Variants in CD163 observed in about 807,000 individuals in gnomAD.
CD163 encodes CD163 molecule.
Under a neutral mutation model 129.2 loss-of-function variants are expected in CD163, and 64 were observed. That is an observed-to-expected ratio of 0.50 (90% CI 0.41 to 0.61). The LOEUF (loss-of-function observed/expected upper bound fraction) is 0.61, where lower values mean the gene tolerates loss of function less well. Among genes scored for constraint, CD163 ranks in the 20% least tolerant of loss-of-function variants. CD163 has a pLI of 0.00. For synonymous variants in CD163, 446 were observed against 478.5 expected (o/e 0.93, Z 0.89); for missense variants, 1,061 against 1,377.9 (o/e 0.77, Z 3.64).
In CD163 at chr12:7,496,899, T is replaced by C. The variant is rs750732588; in HGVS notation, c.1013A>G (p.His338Arg). ...IWLDSVSCQG[H>R]EPAIWQCKHH... is the part of the protein sequence containing the mutation. The stretch of plus-strand genomic sequence containing the variant: ...TTTACATTGCCAGATAGCAGGTTCA[T>C]GTCCCTGGCAAGAAACGCTGTCAAG... Residue 338 changes from histidine to arginine, a missense_variant, in exon 5 of 17, where the codon CAT becomes CGT. Transcript: ENST00000432237. This position sits in a 1 kb window ranked among gnomAD's most constrained non-coding sequence, Gnocchi z 4.8. 2.5e-6 allele frequency: 4 copies of C among 1,614,036 alleles called. No homozygotes were observed. The highest frequency in any genetic ancestry group is 1.3e-5 in the African/African-American group (1 of 75,072).
chr12:7,474,763 C>CTTGA (rs1949060849), intron 16 of CD163, among the ~76,000 whole-genome samples: 3 of 151,980 alleles, frequency 2.0e-5, no homozygotes, highest in Non-Finnish European at 4.4e-5. Flanking sequence ...ATGAAAAACC[C>CTTGA]TTCAAAAATC....
At position 7,481,318 on chromosome 12, in the gene CD163, G is replaced by A. The variant is rs878868266; in HGVS notation, c.3248-62C>T. On this transcript the variant is annotated intron_variant, in intron 14 of 16. Transcript: ENST00000432237. ...CATAATAAAATTTCCCTTGCTGTAAGTGTGTTTTTTCCAAGCGCTGCAAAC... is the reference window on the plus strand; with the variant it reads ...CATAATAAAATTTCCCTTGCTGTAAATGTGTTTTTTCCAAGCGCTGCAAAC... 6 of 1,330,664 alleles carry A rather than the reference G, an allele frequency of 4.5e-6. No homozygotes were observed. The South Asian group carries it at 5.9e-5, about 13-fold the overall frequency. 82.4% of individuals were successfully genotyped at this position (1,330,664 alleles called of 1,614,324 possible).
intron 2 of CD163, among the ~76,000 whole-genome samples, chr12:7,501,809 T>C (rs1006286575): frequency 1.3e-5 from 2 of 152,222 alleles, no homozygotes; most frequent in Non-Finnish European, 2.9e-5. Context: ...ATGAACTTTT[T>C]ACATTTCTCC....
intron 14 of CD163, 35 bp from the exon 15 acceptor site, chr12:7,481,291 A>G (rs1477807549): frequency 6.5e-7 from 1 of 1,531,488 alleles, no homozygotes. Flanking sequence ...GGGATCAGCT[A>G]TCATAATAAA....
At position 7,500,597 on chromosome 12, in the gene CD163, A is replaced by T. The variant is rs181955898; in HGVS notation, c.457+542T>A. On this transcript the variant is annotated intron_variant, in intron 3 of 16. Coordinates refer to ENST00000432237, the MANE Select transcript of CD163 (RefSeq NM_203416.4). Reference sequence around the variant, plus strand: ...AACATATGGAGATGTTTTGTAAATTAAAAGCACAATGTAAATGAAATGACT... The same window carrying T: ...AACATATGGAGATGTTTTGTAAATTTAAAGCACAATGTAAATGAAATGACT... 2.4e-4 allele frequency among the ~76,000 whole-genome samples: 36 copies of T among 152,274 alleles called. 1 individual carries two copies. Among genetic ancestry groups the T allele is most frequent in the Admixed American group, 4.6e-4 (7 of 15,290 alleles).
chr12:7,485,172 C>A lies in CD163; in HGVS notation c.2703G>T (p.Thr901=), dbSNP rs200541961. The A allele has an allele frequency of 4.3e-6, 7 of 1,614,116 alleles. No individual in the cohort carries two copies. The African/African-American group carries it at 9.3e-5, about 22-fold the overall frequency. ...DNVQCPKGPD[T]LWQCPSSPWE... Reference sequence around the variant, plus strand: ...ATGGAGATGATGGGCACTGCCACAGCGTGTCAGGTCCTTTTGGACACTGAA... The same window carrying A: ...ATGGAGATGATGGGCACTGCCACAGAGTGTCAGGTCCTTTTGGACACTGAA... Residue 901 remains threonine (T), a synonymous_variant, in exon 11 of 17, where the codon ACG becomes ACT. Coordinates refer to ENST00000432237, the MANE Select transcript of CD163 (RefSeq NM_203416.4). The surrounding 1 kb of genome is among the most constrained non-coding windows in gnomAD (Gnocchi z 4.5).
Position 7,488,028 on chromosome 12 carries a change from T to C in CD163, c.1480A>G (p.Lys494Glu). The part of the protein sequence containing the change: ...DIPCSGRVEV[K>E]HGDTWGSICD... ...ATGGAGCCCCACGTGTCACCATGCT[T>C]CACTTCAACACGTCCAGAACAGGGA... Residue 494 changes from lysine to glutamate, a missense_variant, in exon 7 of 17, where the codon AAG becomes GAG. Lys to Glu is a moderately conservative substitution (Grantham distance 56, BLOSUM62 1). Coordinates refer to ENST00000432237, the MANE Select transcript of CD163 (RefSeq NM_203416.4). 1 of 1,614,086 alleles carries C rather than the reference T, an allele frequency of 6.2e-7. No homozygotes were observed. Among genetic ancestry groups the C allele is most frequent in the East Asian group, 2.2e-5 (1 of 44,840 alleles).
At chr12:7,491,012 A>G (rs945690024) in intron 6 of CD163, among the ~76,000 whole-genome samples, 3 of 151,988 alleles carry the variant, frequency 2.0e-5, no homozygotes, top group African/African-American at 7.2e-5. Flanking sequence ...CCTCTTTTGG[A>G]CAGCCCTAAA....
chr12:7,474,798 G>A (rs1949061458), intron 16 of CD163, among the ~76,000 whole-genome samples: 1 of 151,970 alleles, frequency 6.6e-6, no homozygotes, highest in African/African-American at 2.4e-5. Flanking sequence ...CTGGTTTTTT[G>A]AAAAGATAAA....
In CD163 at chr12:7,487,091, G is replaced by A. The variant is rs1949262042; in HGVS notation, c.2051-105C>T. On this transcript the variant is annotated intron_variant, in intron 8 of 16. Transcript: ENST00000432237. The surrounding 1 kb of genome is among the most constrained non-coding windows in gnomAD (Gnocchi z 5.1). ...GGACAAACATAGCTTAGAGAGAGAG[G>A]GGAAGGTGGATGGTCAACAAGTTTG... 2.2e-6 allele frequency: 2 copies of A among 929,232 alleles called. No homozygotes were observed. Among genetic ancestry groups the A allele is most frequent in the East Asian group, 2.6e-5 (1 of 38,902 alleles). 57.6% of individuals were successfully genotyped at this position (929,232 alleles called of 1,614,324 possible).
chr12:7,485,369 C>A lies in CD163; in HGVS notation c.2506G>T (p.Ala836Ser), dbSNP rs776847790. 1.2e-6 allele frequency: 2 copies of A among 1,614,208 alleles called. No homozygotes were observed. The highest frequency in any genetic ancestry group is 4.5e-5 in the East Asian group (2 of 44,886). Residue 836 changes from alanine to serine, a missense_variant, in exon 11 of 17, where the codon GCA becomes TCA. Physicochemically the swap from Ala to Ser is moderately conservative, Grantham distance 99. Coordinates refer to ENST00000432237, the MANE Select transcript of CD163 (RefSeq NM_203416.4). This position sits in a 1 kb window ranked among gnomAD's most constrained non-coding sequence, Gnocchi z 4.5. The stretch of plus-strand genomic sequence containing the variant: ...TTGTAAAAAACTTCCAGACGCCCTG[C>A]ACAGGCCTCTCTGCTGGCTTCACTG... ...LTSEASREAC[A>S]GRLEVFYNGA...
chr12:7,497,049 C>T lies in CD163; in HGVS notation c.863G>A (p.Gly288Glu). The change falls in exon 5 of 17, where the codon GGG becomes GAG. Residue 288 changes from glycine (G) to glutamate (E), a missense_variant. Coordinates refer to ENST00000432237, the MANE Select transcript of CD163 (RefSeq NM_203416.4). ...RLEVRFQGEWGTICDDGWDSY... is the reference protein window; with the variant it reads ...RLEVRFQGEWETICDDGWDSY... ...GTCCCAGCCGTCATCACATATTGTC[C>T]CCCATTCTCCTTGGAATCTCACTTC... 6.2e-7 allele frequency: 1 copy of T among 1,614,012 alleles called. No homozygotes were observed. The highest frequency in any genetic ancestry group is 8.5e-7 in the Non-Finnish European group (1 of 1,179,920).
chr12:7,482,818 T>G, intron 13 of CD163, 56 bp from the exon 14 acceptor site: 1 of 1,603,272 alleles, frequency 6.2e-7, no homozygotes, highest in Non-Finnish European at 8.5e-7. Context: ...AAGATCAAGG[T>G]CCCTAGTTAC....
intron 16 of CD163, among the ~76,000 whole-genome samples, chr12:7,478,784 C>T (rs1008335524): frequency 7.9e-5 from 12 of 151,692 alleles, no homozygotes; most frequent in African/African-American, 2.4e-4. Flanking sequence ...ATGTATTATA[C>T]AATGTAGATA....
Position 7,487,230 on chromosome 12 carries a change from C to G in CD163, c.2050+129G>C. The G allele has an allele frequency of 9.0e-7, 1 of 1,114,360 alleles. No homozygotes were observed. The allele number at this position is 1,114,360 out of a possible 1,614,324, so 69.0% of individuals were successfully genotyped here. ...TGAAAAGACAAATGAGGTTAATATT[C>G]TGAAGCATGAATTAGTATTCATTCT... On this transcript the variant is annotated intron_variant, in intron 8 of 16. Coordinates refer to ENST00000432237, the MANE Select transcript of CD163 (RefSeq NM_203416.4). This position sits in a 1 kb window ranked among gnomAD's most constrained non-coding sequence, Gnocchi z 5.1.
At position 7,481,196 on chromosome 12, in the gene CD163, A is replaced by G; in HGVS notation, c.3308T>C (p.Leu1103Pro). 2 of 1,613,902 alleles carry G rather than the reference A, an allele frequency of 1.2e-6. No homozygotes were observed. Among genetic ancestry groups the G allele is most frequent in the Non-Finnish European group, 1.7e-6 (2 of 1,179,830 alleles). The change falls in exon 15 of 17, where the codon CTG becomes CCG. Residue 1103 changes from leucine (L) to proline (P), a missense_variant. Transcript: ENST00000432237. Reference protein sequence around the residue: ...QIQYREMNSCLNADDLDLMNS... With the variant: ...QIQYREMNSCPNADDLDLMNS... ...CATTAGGTCCAGATCATCTGCATTC[A>G]GGCAAGAATTCATCTCCCGGTATTG...
intron 16 of CD163, among the ~76,000 whole-genome samples, chr12:7,478,892 T>G (rs1343369575): frequency 6.6e-6 from 1 of 152,152 alleles, no homozygotes; most frequent in African/African-American, 2.4e-5. Context: ...AAATTATTAT[T>G]TTAAAAACAG....
intron 6 of CD163, among the ~76,000 whole-genome samples, chr12:7,494,793 C>T (rs1025251395): frequency 6.6e-6 from 1 of 152,138 alleles, no homozygotes; most frequent in African/African-American, 2.4e-5. Context: ...TGGTGACATC[C>T]TGTGAAAGAA....
Position 7,485,202 on chromosome 12 carries a change from G to A in CD163, c.2673C>T (p.Asp891=). ...CAGGTCCTTTTGGACACTGAACATT[G>A]TCCACCCACATGGGAATGGACATGG... ...DKAMSIPMWV[D]NVQCPKGPDT... Residue 891 remains aspartate (D), a synonymous_variant, in exon 11 of 17, where the codon GAC becomes GAT. Coordinates refer to ENST00000432237, the MANE Select transcript of CD163 (RefSeq NM_203416.4). This position sits in a 1 kb window ranked among gnomAD's most constrained non-coding sequence, Gnocchi z 4.5. 3 of 1,614,180 alleles carry A rather than the reference G, an allele frequency of 1.9e-6. No individual in the cohort carries two copies. Among genetic ancestry groups the A allele is most frequent in the Non-Finnish European group, 2.5e-6 (3 of 1,180,022 alleles).
Sources: allele counts gnomAD v4.1 joint callset (sites outside exome capture counted in the v4.1 genomes callset), GRCh38; gene constraint gnomAD v4.1.1; non-coding constraint Gnocchi (gnomAD v3.1); transcripts MANE v1.5; gene names NCBI Gene and HGNC (gene_info 2026-07-23, HGNC 2026-07-21).